BACE2: variants seen among roughly 807,000 people sequenced by gnomAD.
BACE2 encodes the protein 56 kDa aspartic-like protease.
In BACE2, 17 loss-of-function variants were observed where a neutral mutation model predicts 46.2. The ratio of observed to expected loss-of-function variants is 0.37; its 90% CI spans 0.25 to 0.55. BACE2 has a LOEUF of 0.55. Among genes scored for constraint, BACE2 ranks in the 20% least tolerant of loss-of-function variants. The pLI is 0.82. For synonymous variants in BACE2, 277 were observed against 295.9 expected (o/e 0.94, Z 0.66); for missense variants, 595 against 698.1 (o/e 0.85, Z 1.66).
At chr21:41,174,539 C>CT (rs1395791134) in intron 1 of BACE2, among the ~76,000 whole-genome samples, 3 of 152,274 alleles carry the variant, frequency 2.0e-5, no homozygotes, top group South Asian at 2.1e-4. Flanking sequence ...TCCCTAGTAT[C>CT]TGACAGCATG....
chr21:41,222,988 C>A (rs1204484854), intron 1 of BACE2, among the ~76,000 whole-genome samples: 1 of 152,166 alleles, frequency 6.6e-6, no homozygotes, highest in Admixed American at 6.5e-5. Context: ...ACACGCCAGG[C>A]GTGAGATGAT....
intron 1 of BACE2, among the ~76,000 whole-genome samples, chr21:41,224,334 C>T (rs373868347): frequency 8.6e-5 from 13 of 151,362 alleles, no homozygotes; most frequent in African/African-American, 3.2e-4. Context: ...CCTGCCTCAG[C>T]CTCCCAAGTA....
intron 1 of BACE2, among the ~76,000 whole-genome samples, chr21:41,214,227 G>T (rs1475505530): frequency 2.0e-5 from 3 of 152,170 alleles, no homozygotes; most frequent in African/African-American, 7.2e-5. Flanking sequence ...AGGGAGATTG[G>T]ACCCCAAGCC....
chr21:41,248,019 G>T (rs565827863), intron 6 of BACE2, among the ~76,000 whole-genome samples: 13 of 152,258 alleles, frequency 8.5e-5, no homozygotes, highest in Admixed American at 6.5e-5. Context: ...CTGTCCCCTG[G>T]CATGGATTGT....
chr21:41,178,941 TA>T, intron 1 of BACE2: 1 of 435,276 alleles, frequency 2.3e-6, no homozygotes, highest in Non-Finnish European at 3.8e-6. Context: ...TCCTGCTTTA[TA>T]AGGGCGGTTA....
At chr21:41,240,865 C>T (rs1252267906) in intron 3 of BACE2, among the ~76,000 whole-genome samples, 1 of 152,240 alleles carries the variant, frequency 6.6e-6, no homozygotes, top group Non-Finnish European at 1.5e-5. Context: ...TCCCCTCTCA[C>T]TCCCTCTGGA....
chr21:41,203,142 C>G (rs1218913551), intron 1 of BACE2, among the ~76,000 whole-genome samples: 1 of 152,112 alleles, frequency 6.6e-6, no homozygotes, highest in East Asian at 1.9e-4. Context: ...ATGAAAGGGA[C>G]AGGCAGGACA....
chr21:41,173,718 C>T (rs1016579174), intron 1 of BACE2, among the ~76,000 whole-genome samples: 1 of 152,116 alleles, frequency 6.6e-6, no homozygotes, highest in African/African-American at 2.4e-5. Flanking sequence ...TGCACTCCAG[C>T]CTGGGCAACA....
At chr21:41,189,187 G>A (rs1195201829) in intron 1 of BACE2, among the ~76,000 whole-genome samples, 2 of 141,180 alleles carry the variant, frequency 1.4e-5, no homozygotes, top group African/African-American at 6.0e-5. Flanking sequence ...GTCTTAGTCT[G>A]GATCTTTAAA....
At chr21:41,212,635 T>C (rs1568869923) in intron 1 of BACE2, among the ~76,000 whole-genome samples, 2 of 152,126 alleles carry the variant, frequency 1.3e-5, no homozygotes, top group Non-Finnish European at 1.5e-5. Flanking sequence ...CACTCCAAAC[T>C]GTTTGCCTGG....
chr21:41,231,715 A>G (rs1329211628), intron 2 of BACE2, among the ~76,000 whole-genome samples: 3 of 152,204 alleles, frequency 2.0e-5, no homozygotes, highest in African/African-American at 7.2e-5. Context: ...TTTCCTGGCC[A>G]CCCACATCCC....
intron 2 of BACE2, among the ~76,000 whole-genome samples, chr21:41,228,978 G>T (rs1204127659): frequency 1.3e-5 from 2 of 152,226 alleles, no homozygotes; most frequent in Admixed American, 1.3e-4. Flanking sequence ...TTTCACCCAT[G>T]TTGATGCCCA....
At chr21:41,186,445 T>C (rs1985378648) in intron 1 of BACE2, 1 of 152,366 alleles carries the variant, frequency 6.6e-6, no homozygotes, top group Admixed American at 6.5e-5. Flanking sequence ...TTACAGATCT[T>C]ACATCCTCAA....
chr21:41,241,486 T>A lies in BACE2; in HGVS notation c.619-333T>A, dbSNP rs1355141846. Among the ~76,000 whole-genome samples, 5 of 152,144 alleles carry A rather than the reference T, an allele frequency of 3.3e-5. 1 individual carries two copies. Among genetic ancestry groups the A allele is most frequent in the Non-Finnish European group, 7.3e-5 (5 of 68,036 alleles). ...TACTCTCAAATGCCTAAGATTAGGA[T>A]CCACCACCTGCCACGGTAACCTACT... On this transcript the variant is annotated intron_variant, in intron 3 of 8. Coordinates refer to ENST00000330333, the MANE Select transcript of BACE2 (RefSeq NM_012105.5).
At chr21:41,222,777 T>C (rs993434379) in intron 1 of BACE2, among the ~76,000 whole-genome samples, 1 of 151,514 alleles carries the variant, frequency 6.6e-6, no homozygotes, top group Non-Finnish European at 1.5e-5. Context: ...TTGGAGGAGG[T>C]GAGGGGTGGG....
intron 1 of BACE2, among the ~76,000 whole-genome samples, chr21:41,198,099 C>G (rs56942017): frequency 0.085 from 12,895 of 152,142 alleles, 576 homozygotes; most frequent in Middle Eastern, 0.15. Flanking sequence ...TCAAGCAATT[C>G]TCGTGCCTCA....
chr21:41,257,411 A>G, intron 8 of BACE2, 85 bp downstream of exon 8: 1 of 1,429,530 alleles, frequency 7.0e-7, no homozygotes. Context: ...CTTGATGGCA[A>G]CTCAATTACC....
At chr21:41,221,543 C>G (rs189080521) in intron 1 of BACE2, among the ~76,000 whole-genome samples, 1 of 152,000 alleles carries the variant, frequency 6.6e-6, no homozygotes, top group African/African-American at 2.4e-5. Context: ...GTGTGAGTGT[C>G]GGCCGGGCGC....
At chr21:41,176,341 G>T (rs990911601) in intron 1 of BACE2, 3 of 152,158 alleles carry the variant, frequency 2.0e-5, no homozygotes, top group Non-Finnish European at 4.4e-5. Flanking sequence ...ACCAGCTGCC[G>T]ATGGTTCCTG....
Sources: allele counts gnomAD v4.1 joint callset (sites outside exome capture counted in the v4.1 genomes callset), GRCh38; gene constraint gnomAD v4.1.1; transcripts MANE v1.5; gene names NCBI Gene and HGNC (gene_info 2026-07-23, HGNC 2026-07-21).